The following PCDH15 variants were observed in gnomAD, a reference collection of about 807,000 sequenced individuals.
PCDH15 encodes the protein protocadherin-15.
A neutral mutation model predicts 178.5 loss-of-function variants in PCDH15; 129 were observed. The ratio of observed to expected loss-of-function variants is 0.72; its 90% CI spans 0.63 to 0.84. The LOEUF (loss-of-function observed/expected upper bound fraction) is 0.84. PCDH15 is among the 40% of genes least tolerant of loss of function. The probability of loss-of-function intolerance (pLI) is 0.00; values close to 1 mark genes in which losing one functional copy is unlikely to be tolerated. For synonymous variants in PCDH15, 800 were observed against 732.0 expected, an observed-to-expected ratio of 1.09 and a Z score of -1.50; for missense variants, 2,230 against 2,099.9, an observed-to-expected ratio of 1.06 and a Z score of -1.21.
chr10:55,249,275 CAT>C (rs1841769316), intron 1 of PCDH15, among the ~76,000 whole-genome samples: 1 of 152,134 alleles, frequency 6.6e-6, no homozygotes, highest in South Asian at 2.1e-4. Context: ...AAAGGACTTA[CAT>C]ATTTAAGTCA....
chr10:55,462,563 GC>G (rs1362337764), intron 2 of PCDH15, among the ~76,000 whole-genome samples: 1 of 151,562 alleles, frequency 6.6e-6, no homozygotes, highest in African/African-American at 2.4e-5. Flanking sequence ...CTCACAGGTT[GC>G]TAAACAGTAT....
At chr10:54,833,477 A>T (rs1207124958) in intron 3 of PCDH15, among the ~76,000 whole-genome samples, 1 of 152,204 alleles carries the variant, frequency 6.6e-6, no homozygotes, top group Non-Finnish European at 1.5e-5. Context: ...GTTACTGAAG[A>T]GGGAGAAATT....
chr10:55,296,805 C>T (rs1023806437), intron 1 of PCDH15, among the ~76,000 whole-genome samples: 1 of 152,106 alleles, frequency 6.6e-6, no homozygotes, highest in Non-Finnish European at 1.5e-5. Flanking sequence ...TGTCACATCA[C>T]TACCATCATA....
chr10:55,070,503 C>T (rs1047964576), intron 2 of PCDH15, among the ~76,000 whole-genome samples: 1 of 152,126 alleles, frequency 6.6e-6, no homozygotes, highest in Non-Finnish European at 1.5e-5. Context: ...CTATGGCTAG[C>T]CAGTTTTCCC....
At chr10:54,782,310 G>A (rs566960700) in intron 1 of PCDH15, among the ~76,000 whole-genome samples, 1 of 152,170 alleles carries the variant, frequency 6.6e-6, no homozygotes, top group South Asian at 2.1e-4. Flanking sequence ...CACTGCTGTG[G>A]TTCACTTAAA....
rs545229827 is a variant in PCDH15 at position 55,257,691 on chromosome 10, C to T, written c.-156+61908G>A. Among the ~76,000 whole-genome samples, 42 of 151,966 alleles carry T rather than the reference C, an allele frequency of 2.8e-4. 1 individual carries two copies. The highest frequency in any genetic ancestry group is 7.9e-4 in the Admixed American group (12 of 15,262). On this transcript the variant is annotated intron_variant, in intron 1 of 5. Coordinates refer to the PCDH15 transcript ENST00000458638. ...TTAGAGAAAAAAGAATAAAAAGAAACGAACAAAGCCTCCAAGAAATATGGG... is the reference window on the plus strand; with the variant it reads ...TTAGAGAAAAAAGAATAAAAAGAAATGAACAAAGCCTCCAAGAAATATGGG...
At chr10:54,559,369 T>C (rs751482775) in intron 2 of PCDH15, among the ~76,000 whole-genome samples, 22 of 152,042 alleles carry the variant, frequency 1.4e-4, no homozygotes, top group Non-Finnish European at 2.2e-4. Flanking sequence ...ATAGCTTGGC[T>C]ATATTAATCC....
intron 2 of PCDH15, among the ~76,000 whole-genome samples, chr10:55,522,221 C>T (rs1841191864): frequency 6.6e-6 from 1 of 151,868 alleles, no homozygotes; most frequent in Non-Finnish European, 1.5e-5. Flanking sequence ...TATAAATTGT[C>T]TTTTTGATAA....
chr10:55,392,469 G>A (rs1837819248), intron 2 of PCDH15, among the ~76,000 whole-genome samples: 1 of 152,114 alleles, frequency 6.6e-6, no homozygotes, highest in South Asian at 2.1e-4. Context: ...CTAAGGTATA[G>A]TTTTTTGTTC....
chr10:54,163,951 C>CA (rs1033323830), intron 13 of PCDH15, among the ~76,000 whole-genome samples: 1 of 152,140 alleles, frequency 6.6e-6, no homozygotes, highest in African/African-American at 2.4e-5. Flanking sequence ...TGGGCATTAT[C>CA]AATCTTCTAT....
At chr10:55,105,916 A>C (rs1842662897) in intron 2 of PCDH15, among the ~76,000 whole-genome samples, 1 of 152,176 alleles carries the variant, frequency 6.6e-6, no homozygotes, top group Non-Finnish European at 1.5e-5. Flanking sequence ...CAATGACTAC[A>C]TGGAATGAGT....
intron 3 of PCDH15, among the ~76,000 whole-genome samples, chr10:54,451,844 T>G (rs2076501622): frequency 6.6e-6 from 1 of 151,972 alleles, no homozygotes; most frequent in African/African-American, 2.4e-5. Flanking sequence ...TATGCAACTT[T>G]TTGTAAGTAC....
intron 21 of PCDH15, among the ~76,000 whole-genome samples, chr10:53,983,159 TC>T (rs1186092679): frequency 6.6e-6 from 1 of 152,022 alleles, no homozygotes; most frequent in African/African-American, 2.4e-5. Context: ...ATTCACAAAA[TC>T]TCCCAAGTAT....
intron 2 of PCDH15, among the ~76,000 whole-genome samples, chr10:55,474,784 G>A (rs1840030937): frequency 1.3e-5 from 2 of 152,100 alleles, no homozygotes; most frequent in Admixed American, 1.3e-4. Flanking sequence ...TAAGATTGTT[G>A]GAACACATAT....
chr10:54,013,538 A>G (rs2092653323), intron 20 of PCDH15, among the ~76,000 whole-genome samples: 1 of 152,174 alleles, frequency 6.6e-6, no homozygotes, highest in African/African-American at 2.4e-5. Context: ...ATTGAAGAAG[A>G]CTAAAATCAT....
At chr10:54,358,236 A>C (rs983807090) in intron 5 of PCDH15, among the ~76,000 whole-genome samples, 4 of 151,252 alleles carry the variant, frequency 2.6e-5, no homozygotes, top group African/African-American at 4.9e-5. Context: ...GCAACCTACA[A>C]AATGGGAGAA....
intron 2 of PCDH15, among the ~76,000 whole-genome samples, chr10:55,051,857 A>G (rs1777944375): frequency 6.6e-6 from 1 of 152,176 alleles, no homozygotes; most frequent in Non-Finnish European, 1.5e-5. Context: ...ACACACAGCC[A>G]GAATACTTGG....
chr10:55,086,492 T>G (rs1842170772), intron 2 of PCDH15, among the ~76,000 whole-genome samples: 1 of 152,074 alleles, frequency 6.6e-6, no homozygotes, highest in African/African-American at 2.4e-5. Context: ...AGTCCTGGTA[T>G]AAGCGTTAGC....
chr10:55,284,981 AAGT>A (rs2132261493), intron 1 of PCDH15, among the ~76,000 whole-genome samples: 1 of 151,858 alleles, frequency 6.6e-6, no homozygotes, highest in Non-Finnish European at 1.5e-5. Context: ...TTGAAGAAAA[AAGT>A]AGGGGAAGTG....
Sources: allele counts gnomAD v4.1 joint callset (sites outside exome capture counted in the v4.1 genomes callset), GRCh38; gene constraint gnomAD v4.1.1; transcripts MANE v1.5; gene names NCBI Gene and HGNC (gene_info 2026-07-23, HGNC 2026-07-21).